The following PELI1 variants were observed in gnomAD, a reference collection of about 807,000 sequenced individuals.
The protein encoded by PELI1 is E3 ubiquitin-protein ligase pellino homolog 1.
In PELI1, 15 loss-of-function variants were observed where a neutral mutation model predicts 41.3. The observed-to-expected ratio is 0.36, with a 90% CI of 0.24 to 0.56. The LOEUF (loss-of-function observed/expected upper bound fraction) is 0.56, where lower values mean the gene tolerates loss of function less well. Among genes scored for constraint, PELI1 ranks in the 20% least tolerant of loss-of-function variants. The probability of loss-of-function intolerance (pLI) is 0.82; values close to 1 mark genes in which losing one functional copy is unlikely to be tolerated. For synonymous variants in PELI1, 178 were observed against 180.1 expected (o/e 0.99, Z 0.09); for missense variants, 403 against 525.5 (o/e 0.77, Z 2.28).
chr2:64,108,354 C>T lies in PELI1; in HGVS notation c.-44G>A. 1 of 1,105,274 alleles carries T rather than the reference C, an allele frequency of 9.0e-7. No homozygotes were observed. The highest frequency in any genetic ancestry group is 1.4e-6 in the Non-Finnish European group (1 of 721,926). 68.5% of individuals were successfully genotyped at this position (1,105,274 alleles called of 1,614,324 possible). ...CAAATCTTTGTTCACTGGTCAGGAGCCTTGGGACACCTTTTGCATTATTTC... is the reference window on the plus strand; with the variant it reads ...CAAATCTTTGTTCACTGGTCAGGAGTCTTGGGACACCTTTTGCATTATTTC... On this transcript the variant is annotated 5_prime_UTR_variant, in exon 2 of 7. Transcript: ENST00000358912.
intron 1 of PELI1, among the ~76,000 whole-genome samples, chr2:64,142,040 A>C (rs1249162444): frequency 6.6e-6 from 1 of 152,228 alleles, no homozygotes; most frequent in Non-Finnish European, 1.5e-5. Context: ...AATTCCACTG[A>C]GGCAAATTTC....
chr2:64,135,460 T>TTAC (rs1265468365), intron 1 of PELI1, among the ~76,000 whole-genome samples: 10 of 152,154 alleles, frequency 6.6e-5, no homozygotes, highest in Non-Finnish European at 1.3e-4. Flanking sequence ...CATCCACAGG[T>TTAC]TACTACTTTA....
rs996115135 is a variant in PELI1, at chr2:64,100,451, C to A, written c.250G>T (p.Ala84Ser). Residue 84 changes from alanine to serine, a missense_variant, in exon 4 of 7, where the codon GCC becomes TCC. Physicochemically the swap from Ala to Ser is moderately conservative, Grantham distance 99. Transcript: ENST00000358912. ...QHSISYTLSR[A>S]QTVVVEYTHD... is the part of the protein sequence containing the mutation. ...GTATATTCAACCACCACAGTCTGGG[C>A]CCGAGATAAAGTATATGATATGCTA... The A allele has an allele frequency of 2.5e-6, 4 of 1,588,780 alleles. No individual in the cohort carries two copies. Among genetic ancestry groups the A allele is most frequent in the African/African-American group, 2.7e-5 (2 of 74,624 alleles).
chr2:64,106,443 C>T (rs1486714971), intron 2 of PELI1: 1 of 152,174 alleles, frequency 6.6e-6, no homozygotes, highest in Non-Finnish European at 1.5e-5. Flanking sequence ...TTAAACTATT[C>T]TTCAAATGAC....
intron 1 of PELI1, among the ~76,000 whole-genome samples, chr2:64,132,599 A>G (rs564035730): frequency 6.6e-6 from 1 of 152,352 alleles, no homozygotes; most frequent in East Asian, 1.9e-4. Flanking sequence ...ACCTATGTCA[A>G]GTTCATTCTG....
intron 2 of PELI1, among the ~76,000 whole-genome samples, chr2:64,107,265 T>C (rs138611677): frequency 1.3e-5 from 2 of 152,244 alleles, no homozygotes; most frequent in African/African-American, 4.8e-5. Flanking sequence ...CTGAGATCTC[T>C]AGTTAGGAAA....
intron 1 of PELI1, 58 bp from the exon 2 acceptor site, chr2:64,108,437 A>T: frequency 1.5e-6 from 1 of 671,188 alleles, no homozygotes; most frequent in South Asian, 1.8e-5. Flanking sequence ...TTAAATAAAG[A>T]TGTTATTTTT....
intron 1 of PELI1, among the ~76,000 whole-genome samples, chr2:64,112,016 C>T (rs974784784): frequency 2.6e-5 from 4 of 151,890 alleles, no homozygotes; most frequent in Non-Finnish European, 4.4e-5. Context: ...ATTTTAATAA[C>T]GTTGCTTTGT....
intron 1 of PELI1, among the ~76,000 whole-genome samples, chr2:64,128,686 T>C (rs1424071709): frequency 2.0e-5 from 3 of 152,168 alleles, no homozygotes; most frequent in African/African-American, 7.2e-5. Flanking sequence ...TTTATTGGCA[T>C]TTACTGCGGA....
intron 1 of PELI1, among the ~76,000 whole-genome samples, chr2:64,123,283 T>C (rs1437889850): frequency 6.6e-6 from 1 of 152,254 alleles, no homozygotes; most frequent in Non-Finnish European, 1.5e-5. Flanking sequence ...ACTGCCTTCC[T>C]AAATTGGCTG....
At chr2:64,120,370 CTGAT>C (rs1293279622) in intron 1 of PELI1, among the ~76,000 whole-genome samples, 1 of 152,194 alleles carries the variant, frequency 6.6e-6, no homozygotes, top group Non-Finnish European at 1.5e-5. Context: ...AAAGGCGAAC[CTGAT>C]TAATTACATT....
chr2:64,094,269 T>C lies in PELI1; in HGVS notation c.*433A>G, dbSNP rs1327775895. 1 of 159,346 alleles carries C rather than the reference T, an allele frequency of 6.3e-6. No individual in the cohort carries two copies. Among genetic ancestry groups the C allele is most frequent in the Non-Finnish European group, 1.4e-5 (1 of 72,186 alleles). 9.9% of individuals were successfully genotyped at this position (159,346 alleles called of 1,614,324 possible). ...CTACTCTATCAAGAACATTCTAAGG[T>C]ATTTTCTATAATAAAGATAAATAGA... On this transcript the variant is annotated 3_prime_UTR_variant, in exon 7 of 7. Coordinates refer to ENST00000358912, the MANE Select transcript of PELI1 (RefSeq NM_020651.4).
At position 64,114,119 on chromosome 2, in the gene PELI1, A is replaced by G. The variant is rs998070709; in HGVS notation, c.-69-5740T>C. Among the ~76,000 whole-genome samples the G allele has an allele frequency of 1.2e-4, 19 of 152,358 alleles. 1 individual carries two copies. In the East Asian group the frequency reaches 3.5e-3, roughly 28 times the overall value. ...GAAAAAAAGGAAAATGTTTTAAAACATGAAAATGTTATAACATTTTTTTAT... is the reference window on the plus strand; with the variant it reads ...GAAAAAAAGGAAAATGTTTTAAAACGTGAAAATGTTATAACATTTTTTTAT... On this transcript the variant is annotated intron_variant, in intron 1 of 6. Coordinates refer to ENST00000358912, the MANE Select transcript of PELI1 (RefSeq NM_020651.4).
intron 1 of PELI1, among the ~76,000 whole-genome samples, chr2:64,119,526 C>T (rs1372966801): frequency 6.6e-6 from 1 of 152,216 alleles, no homozygotes; most frequent in Non-Finnish European, 1.5e-5. Context: ...CACTTAAGCA[C>T]CTCGTAACGT....
rs1258301318 is a variant in PELI1, at chr2:64,094,449, C to CT, written c.*252dup. On this transcript the variant is annotated 3_prime_UTR_variant, in exon 7 of 7. Transcript: ENST00000358912. ...ACTAAAAGGAAGGCATCAAATTAGACTATGTCTTTTTCTCCTCAAAATATA... is the reference window on the plus strand; with the variant it reads ...ACTAAAAGGAAGGCATCAAATTAGACTTATGTCTTTTTCTCCTCAAAATATA... 1 of 385,744 alleles carries CT rather than the reference C, an allele frequency of 2.6e-6. No homozygotes were observed. Among genetic ancestry groups the CT allele is most frequent in the Non-Finnish European group, 4.7e-6 (1 of 214,802 alleles). 23.9% of individuals were successfully genotyped at this position (385,744 alleles called of 1,614,324 possible). A position where few individuals can be genotyped will look rare whatever the true frequency, so the allele number is the denominator to read the frequency against.
rs2103659576 is a variant in PELI1, at chr2:64,096,159, C to T, written c.656G>A (p.Arg219His). 8 of 1,613,920 alleles carry T rather than the reference C, an allele frequency of 5.0e-6. No homozygotes were observed. The highest frequency in any genetic ancestry group is 5.9e-6 in the Non-Finnish European group (7 of 1,179,906). ...TCTCTGCTGAGCCGATCTGGTTTCA[C>T]GTAGGCTAAATACATTTCCACACAC... ...ISVCGNVFSL[R>H]ETRSAQQRGK... The change falls in exon 6 of 7, where the codon CGT becomes CAT. Residue 219 changes from arginine to histidine, a missense_variant. By Grantham distance (29) the Arg-to-His change is conservative. Coordinates refer to ENST00000358912, the MANE Select transcript of PELI1 (RefSeq NM_020651.4).
chr2:64,129,993 C>T (rs148597478), intron 1 of PELI1, among the ~76,000 whole-genome samples: 5 of 152,232 alleles, frequency 3.3e-5, no homozygotes, highest in South Asian at 2.1e-4. Context: ...GTATATACTA[C>T]GAAAAATTAT....
At chr2:64,111,430 C>A (rs1360757073) in intron 1 of PELI1, among the ~76,000 whole-genome samples, 2 of 152,074 alleles carry the variant, frequency 1.3e-5, no homozygotes, top group African/African-American at 4.8e-5. Flanking sequence ...TCAATAAATT[C>A]AAAAAATTAT....
chr2:64,105,199 A>G (rs1239556782), intron 2 of PELI1, among the ~76,000 whole-genome samples: 1 of 152,180 alleles, frequency 6.6e-6, no homozygotes, highest in African/African-American at 2.4e-5. Context: ...TGCTAATACA[A>G]CCTTTAAAAA....
Sources: allele counts gnomAD v4.1 joint callset (sites outside exome capture counted in the v4.1 genomes callset), GRCh38; gene constraint gnomAD v4.1.1; transcripts MANE v1.5; gene names NCBI Gene and HGNC (gene_info 2026-07-23, HGNC 2026-07-21).